TMEM131: variants seen among roughly 807,000 people sequenced by gnomAD.
TMEM131 encodes transmembrane protein 131, also known as 2610524E03Rik.
Under a neutral mutation model 211.6 loss-of-function variants are expected in TMEM131, and 66 were observed. That is an observed-to-expected ratio of 0.31 (90% CI 0.26 to 0.38). The LOEUF (loss-of-function observed/expected upper bound fraction) is 0.38. TMEM131 is among the 10% of genes least tolerant of loss of function. TMEM131 has a pLI of 1.00. For missense variants in TMEM131, 2,036 were observed against 2,299.3 expected, an observed-to-expected ratio of 0.89 and a Z score of 2.34; for synonymous variants, 844 against 841.3, an observed-to-expected ratio of 1.00 and a Z score of -0.06.
At chr2:97,783,740 T>C (rs1448557706) in intron 31 of TMEM131, among the ~76,000 whole-genome samples, 2 of 151,988 alleles carry the variant, frequency 1.3e-5, no homozygotes, top group Non-Finnish European at 1.5e-5. Flanking sequence ...AAATGGTAGA[T>C]TTAAGTCCTA....
intron 4 of TMEM131, among the ~76,000 whole-genome samples, chr2:97,881,723 A>AGGGGGGGGGGG (rs59488414): frequency 1.5e-5 from 1 of 65,562 alleles, no homozygotes; most frequent in African/African-American, 6.7e-5. Flanking sequence ...AAAAAAAAAA[A>AGGGGGGGGGGG]GGGGGGGGGG....
intron 7 of TMEM131, among the ~76,000 whole-genome samples, chr2:97,838,722 C>T (rs1683054553): frequency 6.6e-6 from 1 of 152,144 alleles, no homozygotes; most frequent in East Asian, 1.9e-4. Context: ...GGATTACAGG[C>T]ATGAGCCACT....
In TMEM131 at chr2:97,802,415, A is replaced by C; in HGVS notation, c.2651+13T>G. 1 of 1,562,508 alleles carries C rather than the reference A, an allele frequency of 6.4e-7. No individual in the cohort carries two copies. The highest frequency in any genetic ancestry group is 8.7e-7 in the Non-Finnish European group (1 of 1,146,248). ...TACATAGAAACACTGTGATGATCCC[A>C]AGCAATACTTACCTTGATACTAACT... On this transcript the variant is annotated intron_variant, in intron 24 of 40. Transcript: ENST00000186436.
intron 4 of TMEM131, among the ~76,000 whole-genome samples, chr2:97,879,216 C>A (rs1016134465): frequency 1.3e-5 from 2 of 152,212 alleles, no homozygotes; most frequent in Non-Finnish European, 2.9e-5. Flanking sequence ...TTTCTTCCCA[C>A]TGCTGTAGGG....
In TMEM131 at chr2:97,900,531, C is replaced by T. The variant is rs559127903; in HGVS notation, c.290+8127G>A. 2.0e-5 allele frequency among the ~76,000 whole-genome samples: 3 copies of T among 152,030 alleles called. No homozygotes were observed. In the South Asian group the frequency reaches 6.2e-4, roughly 32 times the overall value. On this transcript the variant is annotated intron_variant, in intron 3 of 40. Coordinates refer to ENST00000186436, the MANE Select transcript of TMEM131 (RefSeq NM_015348.2). The stretch of plus-strand genomic sequence containing the variant: ...TTTTTTAAGGCTTAACAGTATTCCA[C>T]TATATATGTGTGGAATACTATTAAG...
intron 1 of TMEM131, among the ~76,000 whole-genome samples, chr2:97,962,555 A>C (rs1678868204): frequency 1.3e-5 from 2 of 152,182 alleles, no homozygotes; most frequent in South Asian, 4.1e-4. Flanking sequence ...ATGACTGACA[A>C]CATCAAGTGT....
At chr2:97,875,371 A>G (rs1453372955) in intron 4 of TMEM131, among the ~76,000 whole-genome samples, 1 of 152,212 alleles carries the variant, frequency 6.6e-6, no homozygotes. Flanking sequence ...AGCAAACCTA[A>G]TAGACATCTA....
At chr2:97,942,732 T>G (rs900275454) in intron 1 of TMEM131, among the ~76,000 whole-genome samples, 1 of 151,996 alleles carries the variant, frequency 6.6e-6, no homozygotes, top group East Asian at 1.9e-4. Context: ...CCGCAAAGAA[T>G]AGCCTAGGGA....
At chr2:97,889,218 C>A (rs1013585768) in intron 3 of TMEM131, among the ~76,000 whole-genome samples, 4 of 151,956 alleles carry the variant, frequency 2.6e-5, no homozygotes, top group Admixed American at 2.6e-4. Flanking sequence ...CTTAAGAATC[C>A]CTCTGCATAT....
intron 11 of TMEM131, among the ~76,000 whole-genome samples, chr2:97,821,419 G>A (rs1032151909): frequency 6.6e-6 from 1 of 152,170 alleles, no homozygotes; most frequent in South Asian, 2.1e-4. Flanking sequence ...CTGGCCACCC[G>A]AGCCAGTAGA....
intron 11 of TMEM131, among the ~76,000 whole-genome samples, chr2:97,832,154 T>C (rs757757983): frequency 6.6e-6 from 1 of 152,158 alleles, no homozygotes; most frequent in Non-Finnish European, 1.5e-5. Flanking sequence ...AATGTTCACT[T>C]ACAATATATC....
intron 2 of TMEM131, among the ~76,000 whole-genome samples, chr2:97,915,575 G>A (rs914567541): frequency 1.3e-5 from 2 of 152,066 alleles, no homozygotes; most frequent in Non-Finnish European, 2.9e-5. Flanking sequence ...TAAACTCCTG[G>A]GCTCAATGGC....
At chr2:97,841,735 CTG>C (rs1683206052) in intron 7 of TMEM131, 78 bp downstream of exon 7, 1 of 1,414,044 alleles carries the variant, frequency 7.1e-7, no homozygotes, top group Admixed American at 2.8e-5. Context: ...GTCTTGGAAA[CTG>C]TAACAAACTG....
intron 11 of TMEM131, among the ~76,000 whole-genome samples, chr2:97,832,286 C>T (rs1220508780): frequency 6.6e-6 from 1 of 152,168 alleles, no homozygotes; most frequent in Non-Finnish European, 1.5e-5. Flanking sequence ...TTTCATTTTC[C>T]TATAATATGT....
chr2:97,936,319 G>A (rs1370243831), intron 1 of TMEM131, among the ~76,000 whole-genome samples: 1 of 152,230 alleles, frequency 6.6e-6, no homozygotes, highest in Non-Finnish European at 1.5e-5. Context: ...AGAAGGTCCT[G>A]TGTACGCATC....
intron 4 of TMEM131, among the ~76,000 whole-genome samples, chr2:97,867,898 A>C (rs1674335859): frequency 6.6e-6 from 1 of 152,162 alleles, no homozygotes; most frequent in South Asian, 2.1e-4. Flanking sequence ...CAAATGCCAG[A>C]GACTGCCACT....
intron 5 of TMEM131, among the ~76,000 whole-genome samples, chr2:97,846,901 G>T (rs1357512046): frequency 6.6e-5 from 10 of 152,134 alleles, no homozygotes; most frequent in African/African-American, 2.4e-4. Context: ...TGCAAAGAGG[G>T]CCGGCGCGGT....
intron 19 of TMEM131, among the ~76,000 whole-genome samples, chr2:97,806,193 A>G (rs1403058705): frequency 1.3e-5 from 2 of 152,232 alleles, no homozygotes; most frequent in African/African-American, 4.8e-5. Flanking sequence ...ATTTGTATCA[A>G]AGAGAAATTA....
Position 97,769,010 on chromosome 2 carries a change from G to A in TMEM131, c.4449-2408C>T, listed in dbSNP as rs375847626. 2.6e-4 allele frequency among the ~76,000 whole-genome samples: 39 copies of A among 150,456 alleles called. 4 individuals are homozygous for A. In the South Asian group the frequency reaches 3.3e-3, roughly 13 times the overall value. ...GTTGCTCAGGCTAGAGTGCAGTGGT[G>A]CAATCACGGCTCTCTGCAGTCTCTA... On this transcript the variant is annotated intron_variant, in intron 33 of 40. Transcript: ENST00000186436.
Sources: gnomAD v4.1 joint callset for allele counts (sites outside exome capture counted in the v4.1 genomes callset) on GRCh38, gnomAD v4.1.1 for gene constraint, MANE v1.5 for transcripts, NCBI Gene and HGNC (gene_info 2026-07-23, HGNC 2026-07-21) for gene names.